The following ASTN2 variants were observed in gnomAD, a reference collection of about 807,000 sequenced individuals.
The protein encoded by ASTN2 is astrotactin-2.
ASTN2 carries 54 observed loss-of-function variants against 139.8 expected under a neutral mutation model. The observed-to-expected ratio is 0.39, with a 90% CI of 0.31 to 0.48. The LOEUF (loss-of-function observed/expected upper bound fraction) is 0.48. Among genes scored for constraint, ASTN2 ranks in the 20% least tolerant of loss-of-function variants. ASTN2 has a pLI of 0.95. For synonymous variants in ASTN2, 756 were observed against 719.5 expected (o/e 1.05, Z -0.81); for missense variants, 1,565 against 1,725.1 (o/e 0.91, Z 1.64).
intron 2 of ASTN2, among the ~76,000 whole-genome samples, chr9:117,254,419 C>T (rs944342935): frequency 6.6e-6 from 1 of 152,130 alleles, no homozygotes; most frequent in African/African-American, 2.4e-5. Flanking sequence ...ACTACTACAA[C>T]CCAACCCAGG....
At chr9:116,454,299 G>A (rs1262894788) in intron 20 of ASTN2, among the ~76,000 whole-genome samples, 1 of 151,834 alleles carries the variant, frequency 6.6e-6, no homozygotes, top group Non-Finnish European at 1.5e-5. Context: ...TGATAACAGA[G>A]ATATCAAAGT....
intron 13 of ASTN2, among the ~76,000 whole-genome samples, chr9:116,739,945 T>C (rs1316898994): frequency 1.3e-5 from 2 of 152,232 alleles, no homozygotes; most frequent in Non-Finnish European, 2.9e-5. Context: ...CTAAAGCATA[T>C]TGAGGATTTG....
At chr9:116,900,906 C>T (rs938342681) in intron 10 of ASTN2, among the ~76,000 whole-genome samples, 3 of 152,186 alleles carry the variant, frequency 2.0e-5, no homozygotes, top group Non-Finnish European at 4.4e-5. Flanking sequence ...AAGCTTCTCC[C>T]GGCTTGCCAG....
intron 7 of ASTN2, among the ~76,000 whole-genome samples, chr9:116,994,757 A>T (rs1342186239): frequency 6.6e-6 from 1 of 152,162 alleles, no homozygotes; most frequent in African/African-American, 2.4e-5. Flanking sequence ...CAGTTCTATT[A>T]TCTTCCACCC....
intron 20 of ASTN2, among the ~76,000 whole-genome samples, chr9:116,454,809 T>C (rs1485907503): frequency 6.6e-6 from 1 of 152,186 alleles, no homozygotes; most frequent in East Asian, 1.9e-4. Flanking sequence ...AAGCATCGCA[T>C]GTTCTCACTC....
intron 19 of ASTN2, among the ~76,000 whole-genome samples, chr9:116,538,589 T>A (rs535050109): frequency 6.6e-6 from 1 of 152,340 alleles, no homozygotes; most frequent in Admixed American, 6.5e-5. Flanking sequence ...GTCCTAAGTC[T>A]CTTGCCTGTT....
intron 6 of ASTN2, among the ~76,000 whole-genome samples, chr9:117,036,897 C>A (rs1044411083): frequency 2.0e-5 from 3 of 152,126 alleles, no homozygotes; most frequent in African/African-American, 4.8e-5. Context: ...CATCTGCAGA[C>A]AAATCCTGGG....
chr9:116,917,405 C>T (rs1010794463), intron 10 of ASTN2, among the ~76,000 whole-genome samples: 2 of 152,148 alleles, frequency 1.3e-5, no homozygotes, highest in Admixed American at 6.5e-5. Context: ...TTGAGCCCCC[C>T]GTTCCATGCA....
At chr9:117,294,425 G>C (rs1346383883) in intron 1 of ASTN2, among the ~76,000 whole-genome samples, 1 of 152,178 alleles carries the variant, frequency 6.6e-6, no homozygotes, top group Non-Finnish European at 1.5e-5. Flanking sequence ...AGAGAGGAGG[G>C]GTATGAAATG....
intron 6 of ASTN2, among the ~76,000 whole-genome samples, chr9:117,016,592 T>A (rs1162688841): frequency 2.4e-4 from 7 of 29,556 alleles, no homozygotes; most frequent in African/African-American, 5.2e-4. Context: ...ATTCTAGGTT[T>A]TATATATATA....
chr9:116,471,420 T>C (rs577936010), intron 20 of ASTN2, among the ~76,000 whole-genome samples: 4 of 152,186 alleles, frequency 2.6e-5, no homozygotes, highest in Non-Finnish European at 5.9e-5. Flanking sequence ...TGAAACTCCC[T>C]GAAAACAGGG....
chr9:116,938,889 T>A (rs901576897), intron 10 of ASTN2, among the ~76,000 whole-genome samples: 1 of 152,220 alleles, frequency 6.6e-6, no homozygotes, highest in East Asian at 1.9e-4. Flanking sequence ...AGGTCTTATT[T>A]CCACAATTTA....
chr9:117,279,474 A>G (rs1834274956), intron 2 of ASTN2, among the ~76,000 whole-genome samples: 1 of 152,176 alleles, frequency 6.6e-6, no homozygotes, highest in African/African-American at 2.4e-5. Flanking sequence ...AGAAACTATT[A>G]CTCTCACCAT....
At chr9:117,329,046 C>T (rs1170700082) in intron 1 of ASTN2, among the ~76,000 whole-genome samples, 3 of 152,106 alleles carry the variant, frequency 2.0e-5, no homozygotes, top group Non-Finnish European at 4.4e-5. Context: ...AGCAAAGTGA[C>T]CTTCTGTCAG....
chr9:116,864,008 C>T (rs1189393321), intron 10 of ASTN2, among the ~76,000 whole-genome samples: 2 of 152,060 alleles, frequency 1.3e-5, no homozygotes, highest in Non-Finnish European at 2.9e-5. Context: ...GTGCACTTTA[C>T]CGTAAGGGAA....
intron 10 of ASTN2, among the ~76,000 whole-genome samples, chr9:116,974,476 A>T (rs188916076): frequency 6.6e-6 from 1 of 151,118 alleles, no homozygotes; most frequent in East Asian, 1.9e-4. Context: ...CCGTGGTTTT[A>T]TAAGTTAAGA....
At chr9:116,439,621 T>G (rs1847781579) in intron 22 of ASTN2, among the ~76,000 whole-genome samples, 1 of 152,202 alleles carries the variant, frequency 6.6e-6, no homozygotes, top group African/African-American at 2.4e-5. Context: ...AGAAGAAAAC[T>G]TCCACTGTCA....
chr9:116,557,206 A>G (rs7026794), intron 19 of ASTN2, among the ~76,000 whole-genome samples: 39,822 of 139,434 alleles, frequency 0.29, 6,671 homozygotes, highest in Admixed American at 0.43. Flanking sequence ...CCTGGGCAAC[A>G]GAGCGAGACT....
chr9:116,926,123 C>T (rs1247054581), intron 10 of ASTN2, among the ~76,000 whole-genome samples: 2 of 152,172 alleles, frequency 1.3e-5, no homozygotes, highest in African/African-American at 4.8e-5. Flanking sequence ...AGCTCTTTCT[C>T]AGGTGGTGCC....
Sources: allele counts gnomAD v4.1 joint callset (sites outside exome capture counted in the v4.1 genomes callset), GRCh38; gene constraint gnomAD v4.1.1; transcripts MANE v1.5; gene names NCBI Gene and HGNC (gene_info 2026-07-23, HGNC 2026-07-21).